PIBF1: variants seen among roughly 807,000 people sequenced by gnomAD.
The protein encoded by PIBF1 is progesterone immunomodulatory binding factor 1, also known as progesterone-induced-blocking factor 1.
Under a neutral mutation model 112.5 loss-of-function variants are expected in PIBF1, and 90 were observed. The observed-to-expected ratio is 0.80, with a 90% CI of 0.67 to 0.95. The LOEUF (loss-of-function observed/expected upper bound fraction) is 0.95, where lower values mean the gene tolerates loss of function less well. Among genes scored for constraint, PIBF1 ranks in the 40% least tolerant of loss-of-function variants. The probability of loss-of-function intolerance (pLI) is 0.00; values close to 1 mark genes in which losing one functional copy is unlikely to be tolerated. For missense variants in PIBF1, 915 were observed against 852.3 expected (o/e 1.07, Z -0.92); for synonymous variants, 301 against 288.6 (o/e 1.04, Z -0.44).
At chr13:72,831,754 A>G (rs1266345754) in intron 8 of PIBF1, among the ~76,000 whole-genome samples, 3 of 152,076 alleles carry the variant, frequency 2.0e-5, no homozygotes, top group Admixed American at 2.0e-4. Context: ...TGTAATGTCT[A>G]TTAGGTCTGC....
intron 10 of PIBF1, among the ~76,000 whole-genome samples, chr13:72,863,426 C>T (rs7998885): frequency 0.1 from 15,641 of 151,446 alleles, 2,294 homozygotes; most frequent in African/African-American, 0.33. Context: ...CCAAGGTGGG[C>T]GGATCACGAG....
chr13:72,912,876 A>G (rs2040939117), intron 12 of PIBF1, among the ~76,000 whole-genome samples: 1 of 151,942 alleles, frequency 6.6e-6, no homozygotes, highest in Non-Finnish European at 1.5e-5. Flanking sequence ...TGATTATAGT[A>G]TGTGGTATGA....
intron 10 of PIBF1, among the ~76,000 whole-genome samples, chr13:72,870,248 G>A (rs1363227608): frequency 6.6e-6 from 1 of 152,068 alleles, no homozygotes; most frequent in Non-Finnish European, 1.5e-5. Context: ...ATGTATAGAT[G>A]AACCTAACAT....
chr13:72,873,435 G>GT (rs887450599), intron 10 of PIBF1, among the ~76,000 whole-genome samples: 28 of 152,190 alleles, frequency 1.8e-4, no homozygotes, highest in African/African-American at 6.7e-4. Context: ...TTTTGCTCTT[G>GT]TTGCCCAGGC....
intron 5 of PIBF1, among the ~76,000 whole-genome samples, chr13:72,817,230 T>G (rs975250534): frequency 6.6e-6 from 1 of 152,176 alleles, no homozygotes; most frequent in Non-Finnish European, 1.5e-5. Flanking sequence ...GAAACATAGG[T>G]TGCTGCTTTT....
At chr13:72,963,371 A>G (rs1356316518) in intron 14 of PIBF1, among the ~76,000 whole-genome samples, 1 of 152,228 alleles carries the variant, frequency 6.6e-6, no homozygotes, top group African/African-American at 2.4e-5. Context: ...AGGCAGGCAG[A>G]TCACTTGAAG....
chr13:72,844,969 TTTTTATTTTA>T (rs531463400), intron 9 of PIBF1, among the ~76,000 whole-genome samples: 1 of 151,952 alleles, frequency 6.6e-6, no homozygotes, highest in African/African-American at 2.4e-5. Context: ...TTTCTTTTCT[TTTTTATTTTA>T]TTTTATTTTA....
At chr13:72,891,412 C>G (rs1033354433) in intron 10 of PIBF1, among the ~76,000 whole-genome samples, 1 of 152,092 alleles carries the variant, frequency 6.6e-6, no homozygotes, top group East Asian at 1.9e-4. Flanking sequence ...ACATTTAATT[C>G]ATTTATATTT....
At chr13:72,965,434 TA>T in intron 15 of PIBF1, 30 bp downstream of exon 15, 1 of 1,559,726 alleles carries the variant, frequency 6.4e-7, no homozygotes, top group Non-Finnish European at 8.7e-7. Flanking sequence ...TTTATTTGAA[TA>T]ATAAAGACAT....
chr13:72,888,125 A>G (rs142203572), intron 10 of PIBF1, among the ~76,000 whole-genome samples: 55 of 152,302 alleles, frequency 3.6e-4, no homozygotes, highest in African/African-American at 1.3e-3. Flanking sequence ...GGGTGAATAA[A>G]CTAGGTATAC....
chr13:72,926,905 A>G (rs1008933949), intron 13 of PIBF1, among the ~76,000 whole-genome samples: 1 of 152,220 alleles, frequency 6.6e-6, no homozygotes, highest in African/African-American at 2.4e-5. Flanking sequence ...GATATTATGT[A>G]TTCTCAGTGC....
intron 10 of PIBF1, among the ~76,000 whole-genome samples, chr13:72,874,383 A>G (rs1354760771): frequency 6.6e-6 from 1 of 152,238 alleles, no homozygotes; most frequent in Non-Finnish European, 1.5e-5. Flanking sequence ...TACACATGCC[A>G]TGGAATACTA....
chr13:72,866,885 C>G (rs77397556), intron 10 of PIBF1, among the ~76,000 whole-genome samples: 1 of 151,816 alleles, frequency 6.6e-6, no homozygotes, highest in Non-Finnish European at 1.5e-5. Context: ...TATTATATAT[C>G]CCAGATGTAT....
intron 10 of PIBF1, among the ~76,000 whole-genome samples, chr13:72,876,316 A>G (rs779534403): frequency 4.0e-5 from 6 of 151,628 alleles, no homozygotes; most frequent in Non-Finnish European, 7.4e-5. Flanking sequence ...TGCCAATACC[A>G]CACTGTCCTG....
At chr13:72,830,735 G>A (rs1017548623) in intron 8 of PIBF1, among the ~76,000 whole-genome samples, 5 of 151,890 alleles carry the variant, frequency 3.3e-5, no homozygotes, top group African/African-American at 1.2e-4. Flanking sequence ...CTGAAATTTT[G>A]TTTTTTTGTT....
chr13:72,866,566 T>G (rs1261468678), intron 10 of PIBF1, among the ~76,000 whole-genome samples: 1 of 152,208 alleles, frequency 6.6e-6, no homozygotes, highest in Non-Finnish European at 1.5e-5. Context: ...TATTATGACT[T>G]AAAAGTCTTC....
chr13:72,907,002 A>G, intron 11 of PIBF1, among the ~76,000 whole-genome samples: 1 of 152,096 alleles, frequency 6.6e-6, no homozygotes, highest in Non-Finnish European at 1.5e-5. Flanking sequence ...TGATTTTTTT[A>G]TAATGAATTA....
chr13:72,881,930 A>G (rs1042609579), intron 10 of PIBF1, among the ~76,000 whole-genome samples: 5 of 151,568 alleles, frequency 3.3e-5, no homozygotes, highest in South Asian at 2.1e-4. Flanking sequence ...ACAAGAGTAG[A>G]AAAAAAAATC....
Position 72,782,902 on chromosome 13 carries a change from GTGTGTT to G in PIBF1, c.-47-508_-47-503del, listed in dbSNP as rs367662575. The stretch of plus-strand genomic sequence containing the variant: ...TGTGTGTGTGTGTGTGTGTGTGTGT[GTGTGTT>G]TGTGTTTGTGTTGGGGGGGCGGTGA... On this transcript the variant is annotated intron_variant, in intron 1 of 17. Coordinates refer to ENST00000326291, the MANE Select transcript of PIBF1 (RefSeq NM_006346.4). Among the ~76,000 whole-genome samples the G allele has an allele frequency of 2.4e-3, 353 of 148,370 alleles. 1 individual carries two copies. Among genetic ancestry groups the G allele is most frequent in the East Asian group, 8.8e-3 (45 of 5,086 alleles).
Sources: gnomAD v4.1 joint callset for allele counts (sites outside exome capture counted in the v4.1 genomes callset) on GRCh38, gnomAD v4.1.1 for gene constraint, MANE v1.5 for transcripts, NCBI Gene and HGNC (gene_info 2026-07-23, HGNC 2026-07-21) for gene names.